The following NTRK2 variants were observed in gnomAD, a reference collection of about 807,000 sequenced individuals.
The protein encoded by NTRK2 is neurotrophic receptor tyrosine kinase 2.
In NTRK2, 13 loss-of-function variants were observed where a neutral mutation model predicts 94.5. That is an observed-to-expected ratio of 0.14 (90% confidence interval 0.09 to 0.22). The LOEUF (loss-of-function observed/expected upper bound fraction) is 0.22, where lower values mean the gene tolerates loss of function less well. Ranked by LOEUF, NTRK2 falls within the 10% of genes least tolerant of loss-of-function variation. The pLI is 1.00. For missense variants in NTRK2, 639 were observed against 1,071.2 expected (o/e 0.60, Z 5.63); for synonymous variants, 372 against 407.4 (o/e 0.91, Z 1.05).
At chr9:84,881,002 T>C (rs1312383359) in intron 14 of NTRK2, among the ~76,000 whole-genome samples, 2 of 152,202 alleles carry the variant, frequency 1.3e-5, no homozygotes, top group African/African-American at 4.8e-5. Context: ...CATTATCAGC[T>C]ACAAAGCTGC....
At chr9:84,923,462 A>C (rs888556155) in intron 14 of NTRK2, among the ~76,000 whole-genome samples, 11 of 152,204 alleles carry the variant, frequency 7.2e-5, no homozygotes, top group African/African-American at 2.7e-4. Context: ...TAAAAATAAA[A>C]TGTTCATTCA....
Position 85,020,186 on chromosome 9 carries a change from G to C in NTRK2, c.2173-20G>C, listed in dbSNP as rs2117924328. The stretch of plus-strand genomic sequence containing the variant: ...GTTTCGGGGTGACTGATGCCTCCCT[G>C]TTGATCCCTTTCTCCCCAGGTCGGT... On this transcript the variant is annotated intron_variant, in intron 17 of 18. Transcript: ENST00000277120. The C allele has an allele frequency of 6.2e-7, 1 of 1,613,842 alleles. No homozygotes were observed. The highest frequency in any genetic ancestry group is 1.7e-5 in the Admixed American group (1 of 60,012).
Position 84,823,980 on chromosome 9 carries a change from G to A in NTRK2, c.1397-37060G>A, listed in dbSNP as rs140113768. The stretch of plus-strand genomic sequence containing the variant: ...ATTTATTAAGGGTGTGCCTGGGACC[G>A]GTATGGGGAAGCAGGACAGTGGGGG... On this transcript the variant is annotated intron_variant, in intron 12 of 18. Transcript: ENST00000277120. 2.8e-3 allele frequency among the ~76,000 whole-genome samples: 430 copies of A among 152,258 alleles called. 4 individuals are homozygous for A. The highest frequency in any genetic ancestry group is 1.0e-2 in the African/African-American group (415 of 41,548).
chr9:84,970,690 A>C (rs1437178563), intron 17 of NTRK2, among the ~76,000 whole-genome samples: 1 of 152,208 alleles, frequency 6.6e-6, no homozygotes, highest in Non-Finnish European at 1.5e-5. Flanking sequence ...AACTTTACCC[A>C]AGAGCCTTGC....
At chr9:84,756,130 C>CTATATGAAAA (rs2065063367) in intron 12 of NTRK2, among the ~76,000 whole-genome samples, 1 of 152,124 alleles carries the variant, frequency 6.6e-6, no homozygotes, top group African/African-American at 2.4e-5. Flanking sequence ...ATCAATATCC[C>CTATATGAAAA]TATATGAAAA....
intron 2 of NTRK2, among the ~76,000 whole-genome samples, chr9:84,699,039 A>ATT (rs11397169): frequency 0.01 from 1,524 of 145,676 alleles, 27 homozygotes; most frequent in East Asian, 0.049. Flanking sequence ...CTTGCTGAAA[A>ATT]TTTTTTTTTT....
chr9:84,682,935 G>GT (rs2059483264), intron 2 of NTRK2, among the ~76,000 whole-genome samples: 1 of 152,192 alleles, frequency 6.6e-6, no homozygotes, highest in African/African-American at 2.4e-5. Flanking sequence ...GACAACTCCA[G>GT]TGTACAAGTT....
chr9:84,787,334 A>G lies in NTRK2; in HGVS notation c.1396+35249A>G, dbSNP rs2068228849. Among the ~76,000 whole-genome samples, 4 of 152,158 alleles carry G rather than the reference A, an allele frequency of 2.6e-5. 1 individual carries two copies. In the South Asian group the frequency reaches 8.3e-4, roughly 32 times the overall value. On this transcript the variant is annotated intron_variant, in intron 12 of 18. Coordinates refer to ENST00000277120, the MANE Select transcript of NTRK2 (RefSeq NM_006180.6). The stretch of plus-strand genomic sequence containing the variant: ...ACAAACAAACAAAACAAACAAACAA[A>G]CAAACAAAAAACAGGCACAAAATAA...
chr9:84,932,872 T>C (rs1440375396), intron 14 of NTRK2, among the ~76,000 whole-genome samples: 2 of 152,222 alleles, frequency 1.3e-5, no homozygotes, highest in Non-Finnish European at 2.9e-5. Context: ...TACTTTTTTC[T>C]CTATTTCTCT....
At chr9:84,688,708 A>G (rs929472247) in intron 2 of NTRK2, among the ~76,000 whole-genome samples, 3 of 152,212 alleles carry the variant, frequency 2.0e-5, no homozygotes, top group African/African-American at 7.2e-5. Context: ...GCTAAATACT[A>G]TTATTTTTTA....
At position 85,023,306 on chromosome 9, in the gene NTRK2, A is replaced by G. The variant is rs1221872801; in HGVS notation, c.*1869A>G. ...GCCAGATTGAAAGGGAGTGATTTTC[A>G]TTCATCTTAGGTCATGTTATTTCAT... On this transcript the variant is annotated 3_prime_UTR_variant, in exon 19 of 19. Coordinates refer to ENST00000277120, the MANE Select transcript of NTRK2 (RefSeq NM_006180.6). The G allele has an allele frequency of 8.6e-6, 2 of 232,822 alleles. No individual in the cohort carries two copies. Among genetic ancestry groups the G allele is most frequent in the East Asian group, 6.1e-5 (1 of 16,498 alleles). 14.4% of individuals were successfully genotyped at this position (232,822 alleles called of 1,614,324 possible).
intron 13 of NTRK2, among the ~76,000 whole-genome samples, chr9:84,864,938 A>G (rs1157263764): frequency 1.3e-5 from 2 of 151,634 alleles, no homozygotes; most frequent in African/African-American, 4.8e-5. Context: ...ACAGGGTTTC[A>G]CCATGGCGGC....
intron 17 of NTRK2, among the ~76,000 whole-genome samples, chr9:84,964,887 C>T (rs555412419): frequency 1.4e-4 from 21 of 152,320 alleles, no homozygotes; most frequent in African/African-American, 5.1e-4. Context: ...CAGTGAACTG[C>T]CTACAAGCTG....
intron 14 of NTRK2, among the ~76,000 whole-genome samples, chr9:84,901,917 C>T (rs1336217086): frequency 6.6e-6 from 1 of 152,060 alleles, no homozygotes; most frequent in African/African-American, 2.4e-5. Flanking sequence ...TATCATCAGG[C>T]TGGGCACGGT....
chr9:84,713,187 T>C (rs918274640), intron 6 of NTRK2, among the ~76,000 whole-genome samples: 2 of 152,208 alleles, frequency 1.3e-5, no homozygotes, highest in African/African-American at 4.8e-5. Context: ...TTGGACTGTG[T>C]TTATGCTTCA....
At chr9:84,952,941 T>C (rs1823658131) in intron 16 of NTRK2, among the ~76,000 whole-genome samples, 1 of 152,236 alleles carries the variant, frequency 6.6e-6, no homozygotes, top group Non-Finnish European at 1.5e-5. Flanking sequence ...GGAACTGATA[T>C]AAGGCTGTGG....
At chr9:85,019,997 G>A (rs1832640958) in intron 17 of NTRK2, among the ~76,000 whole-genome samples, 1 of 152,162 alleles carries the variant, frequency 6.6e-6, no homozygotes, top group East Asian at 1.9e-4. Context: ...AAGAATTGCA[G>A]ATAATATTTT....
At chr9:84,755,739 G>A (rs538558002) in intron 12 of NTRK2, among the ~76,000 whole-genome samples, 50 of 151,916 alleles carry the variant, frequency 3.3e-4, no homozygotes, top group Non-Finnish European at 5.4e-4. Flanking sequence ...TGAATGTATC[G>A]TTTTGGAATA....
Position 84,707,853 on chromosome 9 carries a change from C to G in NTRK2, c.369C>G (p.Thr123=), listed in dbSNP as rs201157589. The G allele has an allele frequency of 1.2e-6, 2 of 1,611,922 alleles. No individual in the cohort carries two copies. Among genetic ancestry groups the G allele is most frequent in the Non-Finnish European group, 1.7e-6 (2 of 1,178,714 alleles). The change falls in exon 5 of 19, where the codon ACC becomes ACG. Residue 123 remains threonine (T), a synonymous_variant. Transcript: ENST00000277120. Reference sequence around the variant, plus strand: ...TTTTGATTCCTTTCAGCAATTTTACCCGAAACAAACTGACGAGTTTGTCTA... The same window carrying G: ...TTTTGATTCCTTTCAGCAATTTTACGCGAAACAAACTGACGAGTTTGTCTA... ...KNSNLQHINF[T]RNKLTSLSRK...
Sources: gnomAD v4.1 joint callset for allele counts (sites outside exome capture counted in the v4.1 genomes callset) on GRCh38, gnomAD v4.1.1 for gene constraint, MANE v1.5 for transcripts, NCBI Gene and HGNC (gene_info 2026-07-23, HGNC 2026-07-21) for gene names.